Variants in TTC39B observed in about 807,000 individuals in gnomAD.
TTC39B encodes tetratricopeptide repeat protein 39B.
Under a neutral mutation model 96.6 loss-of-function variants are expected in TTC39B, and 92 were observed. The observed-to-expected ratio is 0.95, with a 90% CI of 0.80 to 1.13. TTC39B has a LOEUF of 1.13. TTC39B is among the 50% of genes most tolerant of loss of function. The pLI, the probability that TTC39B is intolerant of heterozygous loss-of-function variation, is 0.00. For synonymous variants in TTC39B, 367 were observed against 299.4 expected (o/e 1.23, Z -2.33); for missense variants, 955 against 809.3 (o/e 1.18, Z -2.18).
intron 15 of TTC39B, chr9:15,186,727 G>T: frequency 2.4e-6 from 1 of 416,678 alleles, no homozygotes; most frequent in Non-Finnish European, 4.3e-6. Flanking sequence ...GTCTCACTCT[G>T]TCTGTCACCC....
At chr9:15,287,395 T>C (rs1225989220) in intron 1 of TTC39B, among the ~76,000 whole-genome samples, 1 of 152,212 alleles carries the variant, frequency 6.6e-6, no homozygotes, top group Non-Finnish European at 1.5e-5. Flanking sequence ...AGGTCAGTCG[T>C]AACAGAGTTA....
At chr9:15,251,664 C>T (rs1300157731) in intron 2 of TTC39B, among the ~76,000 whole-genome samples, 9 of 110,744 alleles carry the variant, frequency 8.1e-5, no homozygotes, top group African/African-American at 2.2e-4. Context: ...TATATATACG[C>T]GCATACACAC....
intron 2 of TTC39B, among the ~76,000 whole-genome samples, chr9:15,262,852 A>G (rs1020241288): frequency 1.2e-4 from 19 of 152,200 alleles, no homozygotes; most frequent in African/African-American, 4.1e-4. Context: ...TCTCTGCACC[A>G]GAAACATAAG....
chr9:15,242,427 C>G (rs543479092), intron 2 of TTC39B, among the ~76,000 whole-genome samples: 1 of 151,930 alleles, frequency 6.6e-6, no homozygotes, highest in African/African-American at 2.4e-5. Flanking sequence ...ACAAAAAATA[C>G]GAAAAATCAG....
chr9:15,188,043 A>G lies in TTC39B; in HGVS notation c.1323T>C (p.Asn441=), dbSNP rs779324290. 3.1e-6 allele frequency: 5 copies of G among 1,612,764 alleles called. No individual in the cohort carries two copies. In the East Asian group the frequency reaches 8.9e-5, roughly 29 times the overall value. Residue 441 remains asparagine (N), a synonymous_variant, in exon 14 of 20, where the codon AAT becomes AAC. Coordinates refer to ENST00000512701, the Ensembl canonical transcript of TTC39B. ...CCTGCATCCAGTTTTGTTGGAAAAC[A>G]TTAATCCACATTAGCTCCCAGTAGC...
rs1824757505 is a variant in TTC39B, at chr9:15,306,472, C to G, written c.240+612G>C. On this transcript the variant is annotated intron_variant, in intron 1 of 19. Coordinates refer to ENST00000512701, the Ensembl canonical transcript of TTC39B. This position sits in a 1 kb window ranked among gnomAD's most constrained non-coding sequence, Gnocchi z 5.1. ...CCTGCTAGGGGAAGTGTCCCGGCCCCGTGGAGGGAGAGGGAAGCACCACAG... is the reference window on the plus strand; with the variant it reads ...CCTGCTAGGGGAAGTGTCCCGGCCCGGTGGAGGGAGAGGGAAGCACCACAG... Among the ~76,000 whole-genome samples the G allele has an allele frequency of 6.6e-6, 1 of 152,186 alleles. No homozygotes were observed. Among genetic ancestry groups the G allele is most frequent in the Non-Finnish European group, 1.5e-5 (1 of 68,006 alleles).
At chr9:15,270,939 G>A (rs1823328004) in intron 1 of TTC39B, among the ~76,000 whole-genome samples, 2 of 152,146 alleles carry the variant, frequency 1.3e-5, no homozygotes, top group Non-Finnish European at 2.9e-5. Context: ...CCTATCATGT[G>A]CCAGGCACCT....
intron 2 of TTC39B, among the ~76,000 whole-genome samples, chr9:15,264,667 A>AC (rs1479741643): frequency 6.6e-6 from 1 of 150,506 alleles, no homozygotes; most frequent in African/African-American, 2.4e-5. Flanking sequence ...AAAAAAAAAA[A>AC]AAAAAGGGAA....
chr9:15,199,799 G>GAAGA (rs1471548747), intron 8 of TTC39B, 62 bp downstream of exon 8: 11 of 488,518 alleles, frequency 2.3e-5, no homozygotes, highest in Non-Finnish European at 3.6e-5. Context: ...GGAGAACTGT[G>GAAGA]AAGAACAAAG....
At chr9:15,250,091 T>C in intron 2 of TTC39B, 1 of 1,271,702 alleles carries the variant, frequency 7.9e-7, no homozygotes, top group Non-Finnish European at 1.0e-6. Flanking sequence ...CCAGTGAGAC[T>C]CTCAATTCTC....
At chr9:15,289,702 G>A (rs1318488629) in intron 1 of TTC39B, among the ~76,000 whole-genome samples, 1 of 152,168 alleles carries the variant, frequency 6.6e-6, no homozygotes, top group Non-Finnish European at 1.5e-5. Flanking sequence ...TCCTACTTGA[G>A]ACTTTGGATC....
chr9:15,234,406 G>C (rs1276638227), intron 2 of TTC39B, among the ~76,000 whole-genome samples: 5 of 143,506 alleles, frequency 3.5e-5, no homozygotes, highest in South Asian at 2.3e-4. Flanking sequence ...GGAGGGAGGT[G>C]GGGGGGTCAG....
At chr9:15,221,609 A>T (rs553350426) in intron 3 of TTC39B, among the ~76,000 whole-genome samples, 1 of 152,156 alleles carries the variant, frequency 6.6e-6, no homozygotes, top group Non-Finnish European at 1.5e-5. Flanking sequence ...CTTGGGTGCC[A>T]GGGGTCTCTG....
intron 2 of TTC39B, chr9:15,250,217 C>T (rs1167286502): frequency 9.1e-7 from 1 of 1,103,360 alleles, no homozygotes; most frequent in Non-Finnish European, 1.1e-6. Flanking sequence ...GCGGATGCTT[C>T]TGCAGGAAGG....
chr9:15,219,389 G>A (rs1820714488), intron 3 of TTC39B, among the ~76,000 whole-genome samples: 1 of 152,098 alleles, frequency 6.6e-6, no homozygotes. Context: ...CAGTTTCTCT[G>A]CACTTTGCTC....
intron 1 of TTC39B, among the ~76,000 whole-genome samples, chr9:15,304,351 G>C (rs891894185): frequency 1.3e-5 from 2 of 152,136 alleles, no homozygotes; most frequent in African/African-American, 4.8e-5. Flanking sequence ...TAAGAAACAA[G>C]CTTTTGTTGA....
chr9:15,234,468 G>GCCA (rs1821665443), intron 2 of TTC39B, among the ~76,000 whole-genome samples: 4 of 149,480 alleles, frequency 2.7e-5, no homozygotes, highest in African/African-American at 9.8e-5. Context: ...GCCTCTGCCC[G>GCCA]GCCGCCCCTG....
At chr9:15,275,287 C>G (rs149590528) in intron 1 of TTC39B, among the ~76,000 whole-genome samples, 4,681 of 152,240 alleles carry the variant, frequency 0.031, 244 homozygotes, top group African/African-American at 0.11. Flanking sequence ...GTGATCTGCC[C>G]GCCTCGGCCT....
At chr9:15,202,928 A>G (rs1259830619) in intron 7 of TTC39B, among the ~76,000 whole-genome samples, 1 of 152,212 alleles carries the variant, frequency 6.6e-6, no homozygotes, top group East Asian at 1.9e-4. Context: ...TGACTGTATC[A>G]GTTCCCAGAG....
Sources: gnomAD v4.1 joint callset for allele counts (sites outside exome capture counted in the v4.1 genomes callset) on GRCh38, gnomAD v4.1.1 for gene constraint, Gnocchi (gnomAD v3.1) non-coding constraint, MANE v1.5 for transcripts, NCBI Gene and HGNC (gene_info 2026-07-23, HGNC 2026-07-21) for gene names.